RAB31: variants seen among roughly 807,000 people sequenced by gnomAD.
The protein encoded by RAB31 is ras-related protein Rab-31.
A neutral mutation model predicts 25.6 loss-of-function variants in RAB31; 21 were observed. The observed-to-expected ratio is 0.82, with a 90% CI of 0.58 to 1.18. RAB31 has a LOEUF of 1.18. Ranked by LOEUF, RAB31 falls within the 50% of genes most tolerant of loss-of-function variation. The pLI is 0.00. For missense variants in RAB31, 196 were observed against 250.1 expected, an observed-to-expected ratio of 0.78 and a Z score of 1.46; for synonymous variants, 87 against 84.0, an observed-to-expected ratio of 1.04 and a Z score of -0.20.
intron 3 of RAB31, among the ~76,000 whole-genome samples, chr18:9,800,780 G>GT (rs1555688889): frequency 6.6e-6 from 1 of 151,872 alleles, no homozygotes; most frequent in Non-Finnish European, 1.5e-5. Flanking sequence ...AGTATGACCA[G>GT]CCCCCCTTTT....
At chr18:9,768,257 C>G (rs12326764) in intron 1 of RAB31, among the ~76,000 whole-genome samples, 6,883 of 152,264 alleles carry the variant, frequency 0.045, 267 homozygotes, top group South Asian at 0.12. Flanking sequence ...ATTTCTGGCT[C>G]TAGATCCTTG....
At chr18:9,747,183 G>A (rs2068210179) in intron 1 of RAB31, among the ~76,000 whole-genome samples, 1 of 152,188 alleles carries the variant, frequency 6.6e-6, no homozygotes, top group Admixed American at 6.5e-5. Flanking sequence ...TAGTCATTAG[G>A]TAAATGCAGA....
intron 6 of RAB31, among the ~76,000 whole-genome samples, chr18:9,850,589 G>C (rs1431752397): frequency 6.6e-6 from 1 of 152,204 alleles, no homozygotes; most frequent in Admixed American, 6.5e-5. Flanking sequence ...TTTAAGTGTT[G>C]ACTGTGGCAG....
At chr18:9,785,685 C>T (rs2068428188) in intron 2 of RAB31, among the ~76,000 whole-genome samples, 1 of 152,164 alleles carries the variant, frequency 6.6e-6, no homozygotes. Flanking sequence ...TCAGAGAGGC[C>T]AAGAAGAACC....
intron 2 of RAB31, among the ~76,000 whole-genome samples, chr18:9,781,549 C>T (rs1310206769): frequency 3.3e-5 from 5 of 152,186 alleles, no homozygotes; most frequent in Admixed American, 3.3e-4. Context: ...CTTACCTCAG[C>T]TGATCTGCCC....
At chr18:9,829,294 TTGAACTTTGTAAGCGGAATGA>T (rs1452323373) in intron 5 of RAB31, among the ~76,000 whole-genome samples, 8 of 152,194 alleles carry the variant, frequency 5.3e-5, no homozygotes, top group African/African-American at 1.9e-4. Flanking sequence ...TTGCCCGTTT[TTGAACTTTGTAAGCGGAATGA>T]GACTGTATGT....
At chr18:9,772,348 G>A (rs2068349570) in intron 1 of RAB31, among the ~76,000 whole-genome samples, 1 of 152,214 alleles carries the variant, frequency 6.6e-6, no homozygotes, top group African/African-American at 2.4e-5. Flanking sequence ...GGGTGATAGG[G>A]TAAGCCTGGG....
intron 5 of RAB31, among the ~76,000 whole-genome samples, chr18:9,833,852 T>A (rs2068691528): frequency 6.6e-6 from 1 of 152,210 alleles, no homozygotes; most frequent in Non-Finnish European, 1.5e-5. Context: ...AAAAGTGTCA[T>A]AAAGTTCTTT....
At chr18:9,792,859 A>G (rs1336172449) in intron 3 of RAB31, among the ~76,000 whole-genome samples, 3 of 152,280 alleles carry the variant, frequency 2.0e-5, no homozygotes, top group Admixed American at 6.5e-5. Context: ...TTAGCGCCCC[A>G]AGGAAAATCT....
chr18:9,721,401 G>A (rs888032450), intron 1 of RAB31, among the ~76,000 whole-genome samples: 2 of 152,100 alleles, frequency 1.3e-5, no homozygotes, highest in Non-Finnish European at 2.9e-5. Flanking sequence ...ATCACTTGAG[G>A]TCAGGAGTTC....
At position 9,858,143 on chromosome 18, in the gene RAB31, G is replaced by A. The variant is rs147891915; in HGVS notation, c.491-1085G>A. 4.3e-3 allele frequency among the ~76,000 whole-genome samples: 650 copies of A among 152,244 alleles called. 8 individuals carry two copies. The highest frequency in any genetic ancestry group is 0.014 in the African/African-American group (568 of 41,538). ...TCAGTGGGAAGAGCACAGGCCTTGCGACCCATCAGGAAGTCAAGGTGTAGA... is the reference window on the plus strand; with the variant it reads ...TCAGTGGGAAGAGCACAGGCCTTGCAACCCATCAGGAAGTCAAGGTGTAGA... On this transcript the variant is annotated intron_variant, in intron 6 of 6. Transcript: ENST00000578921.
At chr18:9,821,667 A>G (rs879267695) in intron 5 of RAB31, among the ~76,000 whole-genome samples, 5 of 152,126 alleles carry the variant, frequency 3.3e-5, no homozygotes, top group Admixed American at 2.6e-4. Flanking sequence ...AATACTAACA[A>G]TAAATATGCA....
At chr18:9,735,356 C>T (rs2068146011) in intron 1 of RAB31, 1 of 214,554 alleles carries the variant, frequency 4.7e-6, no homozygotes, top group South Asian at 8.2e-5. Flanking sequence ...TGTGTCTGCT[C>T]ACGGATCATA....
In RAB31 at chr18:9,814,070, C is replaced by T. The variant is rs774084558; in HGVS notation, c.252C>T (p.Ile84=). 5.7e-6 allele frequency: 9 copies of T among 1,588,570 alleles called. No individual in the cohort carries two copies. The highest frequency in any genetic ancestry group is 2.3e-5 in the South Asian group (2 of 88,108). ...ATCGAGGCTCAGCTGCAGCTGTTAT[C>T]GTGTATGATATTACCAAGCAGGTAA... ...MYYRGSAAAV[I]VYDITKQDSF... is the part of the protein sequence containing the mutation. Residue 84 remains isoleucine, a synonymous_variant, in exon 4 of 7, where the codon ATC becomes ATT. Coordinates refer to ENST00000578921, the MANE Select transcript of RAB31 (RefSeq NM_006868.4).
At chr18:9,732,380 G>A (rs551552556) in intron 1 of RAB31, among the ~76,000 whole-genome samples, 2 of 152,364 alleles carry the variant, frequency 1.3e-5, no homozygotes, top group Admixed American at 6.5e-5. Context: ...AGCAGGGCAG[G>A]GCTGTAGCCA....
intron 3 of RAB31, among the ~76,000 whole-genome samples, chr18:9,800,038 C>A (rs972390721): frequency 1.3e-5 from 2 of 152,144 alleles, no homozygotes; most frequent in Admixed American, 1.3e-4. Flanking sequence ...CAGCAGGCAC[C>A]TTTGCAAGGA....
chr18:9,725,660 G>T (rs1175832717), intron 1 of RAB31, among the ~76,000 whole-genome samples: 3 of 152,196 alleles, frequency 2.0e-5, no homozygotes, highest in African/African-American at 7.2e-5. Context: ...AAAATAAGGG[G>T]TCTTGTATTA....
chr18:9,780,949 AAACAG>A (rs373352728), intron 2 of RAB31, among the ~76,000 whole-genome samples: 1,682 of 115,668 alleles, frequency 0.015, 35 homozygotes, highest in African/African-American at 0.07. Context: ...AAACAAAACA[AAACAG>A]AACAAAACAA....
chr18:9,857,408 C>A (rs146183800), intron 6 of RAB31, among the ~76,000 whole-genome samples: 2 of 152,172 alleles, frequency 1.3e-5, no homozygotes, highest in South Asian at 4.1e-4. Flanking sequence ...CAGGGCCCAG[C>A]GCATAGTCAG....
Sources: allele counts gnomAD v4.1 joint callset (sites outside exome capture counted in the v4.1 genomes callset), GRCh38; gene constraint gnomAD v4.1.1; transcripts MANE v1.5; gene names NCBI Gene and HGNC (gene_info 2026-07-23, HGNC 2026-07-21).